Variants in GBE1 observed in about 807,000 individuals in gnomAD.
The protein encoded by GBE1 is 1,4-alpha-glucan-branching enzyme.
In GBE1, 70 loss-of-function variants were observed where a neutral mutation model predicts 88.8. The observed-to-expected ratio is 0.79, with a 90% confidence interval of 0.65 to 0.96. GBE1 has a LOEUF of 0.96. GBE1 is among the 40% of genes least tolerant of loss of function. GBE1 has a pLI of 0.00. For missense variants in GBE1, 872 were observed against 871.0 expected (o/e 1.00, Z -0.01); for synonymous variants, 284 against 300.1 (o/e 0.95, Z 0.56).
intron 9 of GBE1, among the ~76,000 whole-genome samples, chr3:81,589,001 T>C (rs536167799): frequency 1.3e-3 from 195 of 152,088 alleles, no homozygotes; most frequent in Middle Eastern, 3.4e-3. Flanking sequence ...CTTTTGAAGG[T>C]GGAAAGTTTG....
chr3:81,616,201 C>T (rs1255415030), intron 7 of GBE1, among the ~76,000 whole-genome samples: 1 of 152,114 alleles, frequency 6.6e-6, no homozygotes, highest in African/African-American at 2.4e-5. Flanking sequence ...TTAACAAGAA[C>T]TTTATATCAC....
chr3:81,719,738 A>G (rs1477136780), intron 1 of GBE1, among the ~76,000 whole-genome samples: 1 of 152,206 alleles, frequency 6.6e-6, no homozygotes, highest in African/African-American at 2.4e-5. Context: ...ATAAGAATTT[A>G]TATCTTTATG....
rs1705998625 is a variant in GBE1 at position 81,719,879 on chromosome 3, C to T, written c.144-14266G>A. 2.0e-5 allele frequency among the ~76,000 whole-genome samples: 3 copies of T among 151,942 alleles called. No homozygotes were observed. In the South Asian group the frequency reaches 6.2e-4, roughly 31 times the overall value. The stretch of plus-strand genomic sequence containing the variant: ...ATTGACACTTTGCATATCAACAAAC[C>T]CAATCACACTTATGAATTTATTAAA... On this transcript the variant is annotated intron_variant, in intron 1 of 15. Coordinates refer to ENST00000429644, the MANE Select transcript of GBE1 (RefSeq NM_000158.4).
chr3:81,552,230 A>C (rs1703280617), intron 12 of GBE1, among the ~76,000 whole-genome samples: 1 of 152,222 alleles, frequency 6.6e-6, no homozygotes, highest in Non-Finnish European at 1.5e-5. Flanking sequence ...GAAGGTTGTC[A>C]AAATAGGCTG....
intron 5 of GBE1, among the ~76,000 whole-genome samples, chr3:81,648,551 A>G (rs940255022): frequency 6.6e-6 from 1 of 152,104 alleles, no homozygotes; most frequent in Non-Finnish European, 1.5e-5. Context: ...TAAATTGATA[A>G]AGGTTTCCTC....
intron 7 of GBE1, among the ~76,000 whole-genome samples, chr3:81,618,332 A>G (rs1252692441): frequency 6.6e-6 from 1 of 152,112 alleles, no homozygotes; most frequent in African/African-American, 2.4e-5. Context: ...AGATTACCTT[A>G]TATTTAATAA....
intron 2 of GBE1, among the ~76,000 whole-genome samples, chr3:81,680,229 C>A (rs1705318361): frequency 6.6e-6 from 1 of 152,180 alleles, no homozygotes; most frequent in Non-Finnish European, 1.5e-5. Context: ...TGCAGTGGCT[C>A]ACGCCCGTAA....
chr3:81,528,257 G>A (rs2106858766), intron 14 of GBE1, among the ~76,000 whole-genome samples: 1 of 150,680 alleles, frequency 6.6e-6, no homozygotes, highest in Middle Eastern at 3.4e-3. Context: ...ATAGCATTAG[G>A]AGATATACCT....
At chr3:81,507,239 A>C (rs1285553069) in intron 14 of GBE1, among the ~76,000 whole-genome samples, 1 of 152,058 alleles carries the variant, frequency 6.6e-6, no homozygotes, top group East Asian at 1.9e-4. Flanking sequence ...ATATTTCTAA[A>C]ATAAAATTTA....
chr3:81,492,452 T>C (rs1383884814), intron 15 of GBE1, among the ~76,000 whole-genome samples: 1 of 151,178 alleles, frequency 6.6e-6, no homozygotes, highest in African/African-American at 2.4e-5. Context: ...ACAGACAAAA[T>C]GAACACAAAC....
intron 7 of GBE1, among the ~76,000 whole-genome samples, chr3:81,595,278 G>C (rs1255439525): frequency 6.6e-6 from 1 of 151,766 alleles, no homozygotes; most frequent in Non-Finnish European, 1.5e-5. Flanking sequence ...GGGAAATCCT[G>C]TTTAACAGAA....
intron 11 of GBE1, 29 bp from the exon 12 acceptor site, chr3:81,578,125 T>C (rs775707141): frequency 1.3e-5 from 20 of 1,509,558 alleles, no homozygotes; most frequent in African/African-American, 7.3e-5. Context: ...TGGAGATAAA[T>C]GAAAAAAAAA....
intron 2 of GBE1, among the ~76,000 whole-genome samples, chr3:81,675,735 C>A (rs1243305270): frequency 1.3e-5 from 2 of 151,914 alleles, no homozygotes; most frequent in African/African-American, 4.8e-5. Flanking sequence ...AGTTAGGTAC[C>A]CCCAAAACAA....
At chr3:81,751,920 A>C (rs1382305404) in intron 1 of GBE1, among the ~76,000 whole-genome samples, 4 of 152,230 alleles carry the variant, frequency 2.6e-5, no homozygotes, top group Admixed American at 2.6e-4. Context: ...ACTGAGTATC[A>C]TGTGATATCA....
At chr3:81,565,826 C>CA (rs1288396754) in intron 12 of GBE1, among the ~76,000 whole-genome samples, 3 of 151,922 alleles carry the variant, frequency 2.0e-5, no homozygotes, top group Non-Finnish European at 1.5e-5. Flanking sequence ...ACATTATAAA[C>CA]AAAAAATACT....
chr3:81,586,088 T>C lies in GBE1; in HGVS notation c.1335+4A>G, dbSNP rs1227713324. On this transcript the variant is annotated splice_donor_region_variant and intron_variant, in intron 10 of 15. Transcript: ENST00000429644. ...AAACAAAAAATATTTACATGGACTC[T>C]TACCTGAATCCACTTATCTGGAATT... The C allele has an allele frequency of 2.5e-6, 4 of 1,572,066 alleles. No homozygotes were observed. In the African/African-American group the frequency reaches 4.1e-5, roughly 16 times the overall value.
chr3:81,679,169 A>T (rs532107066), intron 2 of GBE1, among the ~76,000 whole-genome samples: 6 of 152,292 alleles, frequency 3.9e-5, no homozygotes, highest in African/African-American at 1.4e-4. Context: ...AAAAAATAAA[A>T]ATGAATGTTA....
chr3:81,699,164 AACTT>A (rs139141561), intron 2 of GBE1, among the ~76,000 whole-genome samples: 2 of 152,258 alleles, frequency 1.3e-5, no homozygotes, highest in African/African-American at 4.8e-5. Context: ...ATTTCCAATA[AACTT>A]AATTGAAGGG....
At chr3:81,510,346 T>G (rs916725837) in intron 14 of GBE1, among the ~76,000 whole-genome samples, 1 of 152,122 alleles carries the variant, frequency 6.6e-6, no homozygotes, top group Non-Finnish European at 1.5e-5. Context: ...TTAACTTACT[T>G]GGCGTAACAT....
Sources: gnomAD v4.1 joint callset for allele counts (sites outside exome capture counted in the v4.1 genomes callset) on GRCh38, gnomAD v4.1.1 for gene constraint, MANE v1.5 for transcripts, NCBI Gene and HGNC (gene_info 2026-07-23, HGNC 2026-07-21) for gene names.